The following CDK12 variants were observed in gnomAD, a reference collection of about 807,000 sequenced individuals.
CDK12 encodes the protein cyclin dependent kinase 12.
CDK12 carries 17 observed loss-of-function variants against 133.8 expected under a neutral mutation model. The ratio of observed to expected loss-of-function variants is 0.13; its 90% CI spans 0.09 to 0.19. The LOEUF (loss-of-function observed/expected upper bound fraction) is 0.19. CDK12 is among the 10% of genes least tolerant of loss of function. CDK12 has a pLI of 1.00. For missense variants in CDK12, 1,508 were observed against 1,818.7 expected, an observed-to-expected ratio of 0.83 and a Z score of 3.11; for synonymous variants, 694 against 683.6, an observed-to-expected ratio of 1.02 and a Z score of -0.24.
At chr17:39,477,934 C>T (rs2050346047) in intron 2 of CDK12, among the ~76,000 whole-genome samples, 1 of 151,788 alleles carries the variant, frequency 6.6e-6, no homozygotes, top group Non-Finnish European at 1.5e-5. Context: ...TCTTGAACTC[C>T]TGACTTCGGG....
At chr17:39,482,888 C>T (rs555146836) in intron 2 of CDK12, among the ~76,000 whole-genome samples, 2 of 149,736 alleles carry the variant, frequency 1.3e-5, no homozygotes, top group South Asian at 4.3e-4. Context: ...AGGTGAGAGC[C>T]ACTATGCCTG....
intron 5 of CDK12, among the ~76,000 whole-genome samples, chr17:39,495,883 A>C (rs2052067300): frequency 6.6e-6 from 1 of 150,810 alleles, no homozygotes; most frequent in Non-Finnish European, 1.5e-5. Flanking sequence ...GTATTAATAC[A>C]TTTCGGTATA....
Position 39,530,950 on chromosome 17 carries a change from C to G in CDK12, c.4107C>G (p.Thr1369=). 2 of 1,614,156 alleles carry G rather than the reference C, an allele frequency of 1.2e-6. No individual in the cohort carries two copies. Among genetic ancestry groups the G allele is most frequent in the Non-Finnish European group, 1.7e-6 (2 of 1,180,022 alleles). The change falls in exon 14 of 14, where the codon ACC becomes ACG. Residue 1369 remains threonine (T), a synonymous_variant. Coordinates refer to ENST00000447079, the MANE Select transcript of CDK12 (RefSeq NM_016507.4). The stretch of plus-strand genomic sequence containing the variant: ...CCTTGACAGAATCCTTGGTCCAGAC[C>G]CTGGTGAAGAACAGGACCTTCTCAG... ...GPALTESLVQ[T]LVKNRTFSGS...
chr17:39,562,070 G>T lies in CDK12; in HGVS notation n.485-2690G>T, dbSNP rs149874409. On this transcript the variant is annotated intron_variant and non_coding_transcript_variant, in intron 3 of 3. Transcript: ENST00000558240. ...TTCTCCTGCCCCAGCCTCCCAAGTA[G>T]CTGGGATTACAGGCGCGCACCTCCA... is the stretch of plus-strand genomic sequence containing the variant. 4.9e-3 allele frequency among the ~76,000 whole-genome samples: 750 copies of T among 152,288 alleles called. 5 individuals are homozygous for T. The highest frequency in any genetic ancestry group is 0.01 in the Middle Eastern group (3 of 294).
At chr17:39,507,865 G>A (rs2053233603) in intron 6 of CDK12, among the ~76,000 whole-genome samples, 1 of 152,164 alleles carries the variant, frequency 6.6e-6, no homozygotes, top group Non-Finnish European at 1.5e-5. Flanking sequence ...TGAACTTAAT[G>A]TAATGGTGTT....
chr17:39,500,955 C>G (rs1457115663), intron 5 of CDK12, among the ~76,000 whole-genome samples: 1 of 151,856 alleles, frequency 6.6e-6, no homozygotes, highest in Non-Finnish European at 1.5e-5. Context: ...AGGTTGGTCT[C>G]GAACTCCTGA....
intron 5 of CDK12, among the ~76,000 whole-genome samples, chr17:39,498,375 C>T (rs1486149240): frequency 6.6e-6 from 1 of 152,048 alleles, no homozygotes; most frequent in Non-Finnish European, 1.5e-5. Flanking sequence ...CAAGTGTGTG[C>T]CACAATGCCC....
intron 2 of CDK12, among the ~76,000 whole-genome samples, chr17:39,487,589 G>C (rs903418802): frequency 6.8e-6 from 1 of 146,790 alleles, no homozygotes; most frequent in Admixed American, 6.9e-5. Context: ...TATTTTTTCT[G>C]AGGATGTGCA....
At position 39,471,379 on chromosome 17, in the gene CDK12, A is replaced by C. The variant is rs1346410909; in HGVS notation, c.1547A>C (p.Lys516Thr). 1 of 1,614,106 alleles carries C rather than the reference A, an allele frequency of 6.2e-7. No homozygotes were observed. Among genetic ancestry groups the C allele is most frequent in the South Asian group, 1.1e-5 (1 of 91,076 alleles). Residue 516 changes from lysine (K) to threonine (T), a missense_variant, in exon 2 of 14, where the codon AAG (lysine) becomes ACG (threonine). This residue lies in a region of CDK12 where 347 missense variants were observed against 330.8 expected (regional missense o/e 1.05). Coordinates refer to ENST00000447079, the MANE Select transcript of CDK12 (RefSeq NM_016507.4). ...CTGAAAGAGGAGATTGTTACTCCAA[A>C]GGAGACAGAAACATCAGAAAAGGAG... ...IALKEEIVTPKETETSEKETP... is the reference protein window; with the variant it reads ...IALKEEIVTPTETETSEKETP...
chr17:39,472,984 G>A (rs1278025500), intron 2 of CDK12, among the ~76,000 whole-genome samples: 2 of 151,988 alleles, frequency 1.3e-5, no homozygotes, highest in African/African-American at 2.4e-5. Context: ...GCTGAGGCAG[G>A]AGAATGGCGT....
intron 2 of CDK12, among the ~76,000 whole-genome samples, chr17:39,472,174 G>A (rs984844212): frequency 1.3e-5 from 2 of 151,636 alleles, no homozygotes; most frequent in Admixed American, 1.3e-4. Context: ...AGTAGAGATG[G>A]GGTTTCAACA....
chr17:39,555,708 C>T (rs1010418769), intron 2 of CDK12, among the ~76,000 whole-genome samples: 1 of 151,628 alleles, frequency 6.6e-6, no homozygotes, highest in African/African-American at 2.4e-5. Flanking sequence ...AAGAATCATG[C>T]CATGGCCAGG....
At chr17:39,472,193 A>G (rs1452291498) in intron 2 of CDK12, among the ~76,000 whole-genome samples, 1 of 151,892 alleles carries the variant, frequency 6.6e-6, no homozygotes, top group Non-Finnish European at 1.5e-5. Context: ...CATGTTGGCC[A>G]TACTGGTCTG....
chr17:39,472,186 G>GT (rs1239657138), intron 2 of CDK12, among the ~76,000 whole-genome samples: 2 of 151,790 alleles, frequency 1.3e-5, no homozygotes, highest in African/African-American at 4.8e-5. Flanking sequence ...GTTTCAACAT[G>GT]TTGGCCATAC....
At chr17:39,500,546 T>C (rs1176079477) in intron 5 of CDK12, among the ~76,000 whole-genome samples, 1 of 151,264 alleles carries the variant, frequency 6.6e-6, no homozygotes, top group Non-Finnish European at 1.5e-5. Flanking sequence ...GGCAGGAGAA[T>C]GGCTTGAACC....
chr17:39,515,205 C>CTG (rs1023957735), intron 8 of CDK12, among the ~76,000 whole-genome samples: 1 of 152,006 alleles, frequency 6.6e-6, no homozygotes, highest in Non-Finnish European at 1.5e-5. Flanking sequence ...GAGTGAGACT[C>CTG]TATCTCAAAA....
intron 1 of CDK12, among the ~76,000 whole-genome samples, chr17:39,470,199 T>TA (rs2049688888): frequency 6.6e-6 from 1 of 151,656 alleles, no homozygotes; most frequent in Admixed American, 6.6e-5. Context: ...TGGCTTACTG[T>TA]AAGCTCCACC....
intron 11 of CDK12, among the ~76,000 whole-genome samples, chr17:39,521,583 G>A (rs1048033765): frequency 1.3e-5 from 2 of 151,560 alleles, no homozygotes; most frequent in Admixed American, 6.6e-5. Flanking sequence ...TTTCCGAGAC[G>A]GAGTCTCGCT....
rs529473417 is a variant in CDK12 at position 39,486,138 on chromosome 17, A to C, written c.1932-4419A>C. Among the ~76,000 whole-genome samples the C allele has an allele frequency of 2.0e-5, 3 of 151,182 alleles. 1 individual carries two copies. In the South Asian group the frequency reaches 6.3e-4, roughly 32 times the overall value. On this transcript the variant is annotated intron_variant, in intron 2 of 13. Transcript: ENST00000447079. ...CAGCTAATTTTTGTACTTTTAGTAG[A>C]GATGCGGTTTCACCATGTTGGCTAG...
Sources: allele counts gnomAD v4.1 joint callset (sites outside exome capture counted in the v4.1 genomes callset), GRCh38; gene constraint gnomAD v4.1.1; regional missense constraint gnomAD v4.1.1; transcripts MANE v1.5; gene names NCBI Gene and HGNC (gene_info 2026-07-23, HGNC 2026-07-21).